The following NCKAP5 variants were observed in gnomAD, a reference collection of about 807,000 sequenced individuals.
The protein encoded by NCKAP5 is nck-associated protein 5.
Under a neutral mutation model 167.0 loss-of-function variants are expected in NCKAP5, and 92 were observed. The ratio of observed to expected loss-of-function variants is 0.55; its 90% CI spans 0.47 to 0.66. The LOEUF (loss-of-function observed/expected upper bound fraction) is 0.66, where lower values mean the gene tolerates loss of function less well. NCKAP5 is among the 30% of genes least tolerant of loss of function. The probability of loss-of-function intolerance (pLI) is 0.00; values close to 1 mark genes in which losing one functional copy is unlikely to be tolerated. For synonymous variants in NCKAP5, 891 were observed against 877.4 expected, an observed-to-expected ratio of 1.02 and a Z score of -0.27; for missense variants, 2,378 against 2,315.0, an observed-to-expected ratio of 1.03 and a Z score of -0.56.
chr2:133,619,444 G>C, the NCKAP5 span, among the ~76,000 whole-genome samples: 1 of 151,870 alleles, frequency 6.6e-6, no homozygotes, highest in African/African-American at 2.4e-5. Flanking sequence ...AATGCAAAAT[G>C]CACTGGAAAG....
At chr2:133,283,854 G>A (rs978683125) in intron 4 of NCKAP5, among the ~76,000 whole-genome samples, 5 of 151,908 alleles carry the variant, frequency 3.3e-5, no homozygotes, top group Non-Finnish European at 7.4e-5. Flanking sequence ...CAGGTGATCC[G>A]CCCGCCTCGG....
At chr2:133,605,013 T>C in the NCKAP5 span, among the ~76,000 whole-genome samples, 2 of 152,208 alleles carry the variant, frequency 1.3e-5, 1 homozygote, top group South Asian at 4.1e-4. Flanking sequence ...GGGAAAGATA[T>C]TTTCTTTCTC....
At chr2:133,134,824 T>G (rs1469436092) in intron 5 of NCKAP5, among the ~76,000 whole-genome samples, 2 of 152,210 alleles carry the variant, frequency 1.3e-5, no homozygotes, top group Non-Finnish European at 2.9e-5. Flanking sequence ...CTTAAATCAT[T>G]AAAGTATCAA....
chr2:133,099,822 C>A (rs1176710236), intron 6 of NCKAP5, among the ~76,000 whole-genome samples: 1 of 152,184 alleles, frequency 6.6e-6, no homozygotes, highest in Non-Finnish European at 1.5e-5. Context: ...CCAAGTATGG[C>A]CTGCAAGCCA....
intron 8 of NCKAP5, among the ~76,000 whole-genome samples, chr2:132,960,404 A>G (rs2076476954): frequency 6.6e-6 from 1 of 152,100 alleles, no homozygotes; most frequent in African/African-American, 2.4e-5. Flanking sequence ...AACTGAGGAG[A>G]AAGGCTACTG....
intron 7 of NCKAP5, among the ~76,000 whole-genome samples, chr2:132,972,467 T>G (rs1001866269): frequency 6.6e-6 from 1 of 152,188 alleles, no homozygotes; most frequent in Non-Finnish European, 1.5e-5. Context: ...GGCTCACACC[T>G]GTAATCCCAG....
chr2:133,452,149 A>G (rs1258612557), intron 3 of NCKAP5, among the ~76,000 whole-genome samples: 3 of 152,214 alleles, frequency 2.0e-5, no homozygotes, highest in Non-Finnish European at 4.4e-5. Context: ...AAAAATAATA[A>G]TGCTTGGCCC....
intron 16 of NCKAP5, among the ~76,000 whole-genome samples, chr2:132,751,085 C>T (rs899281189): frequency 2.6e-5 from 4 of 151,890 alleles, no homozygotes; most frequent in East Asian, 1.9e-4. Flanking sequence ...GTTATAGTCT[C>T]ATGTTGAAAT....
chr2:133,188,372 C>A (rs2085048029), intron 5 of NCKAP5, among the ~76,000 whole-genome samples: 1 of 152,006 alleles, frequency 6.6e-6, no homozygotes, highest in Admixed American at 6.6e-5. Flanking sequence ...TTAGACAGAT[C>A]AACGAGACAG....
At chr2:133,358,584 A>C (rs1684893333) in intron 3 of NCKAP5, among the ~76,000 whole-genome samples, 1 of 152,154 alleles carries the variant, frequency 6.6e-6, no homozygotes, top group South Asian at 2.1e-4. Flanking sequence ...CTCTTGAAAA[A>C]ATGTGTTGAA....
intron 4 of NCKAP5, among the ~76,000 whole-genome samples, chr2:133,286,141 G>A (rs1012366557): frequency 4.0e-5 from 6 of 151,822 alleles, no homozygotes; most frequent in Middle Eastern, 3.2e-3. Flanking sequence ...GATTACAGGC[G>A]CCCACTACCA....
chr2:132,884,617 G>A (rs1032308748), intron 8 of NCKAP5, among the ~76,000 whole-genome samples: 3 of 152,160 alleles, frequency 2.0e-5, no homozygotes, highest in Non-Finnish European at 4.4e-5. Context: ...GAATCACGGA[G>A]GAAAATGCTA....
chr2:133,387,472 C>G (rs1478853244), intron 3 of NCKAP5, among the ~76,000 whole-genome samples: 1 of 152,182 alleles, frequency 6.6e-6, no homozygotes, highest in Non-Finnish European at 1.5e-5. Context: ...TCTGGCTGCC[C>G]TTAACATTTT....
chr2:133,470,837 C>T (rs1448441087), intron 3 of NCKAP5, among the ~76,000 whole-genome samples: 1 of 152,268 alleles, frequency 6.6e-6, no homozygotes, highest in African/African-American at 2.4e-5. Context: ...CCTTGCGCTT[C>T]CCAAGTGAGG....
chr2:133,142,695 G>T (rs2083045581), intron 5 of NCKAP5, among the ~76,000 whole-genome samples: 1 of 152,134 alleles, frequency 6.6e-6, no homozygotes, highest in Non-Finnish European at 1.5e-5. Flanking sequence ...TGCAGACCTG[G>T]AAGGGTGCTT....
At chr2:133,200,721 G>C (rs1488803529) in intron 5 of NCKAP5, among the ~76,000 whole-genome samples, 3 of 152,134 alleles carry the variant, frequency 2.0e-5, no homozygotes, top group Non-Finnish European at 2.9e-5. Flanking sequence ...TCTCGTAACA[G>C]ACTGATACGT....
chr2:133,012,777 G>T (rs964861509), intron 6 of NCKAP5, among the ~76,000 whole-genome samples: 1 of 151,952 alleles, frequency 6.6e-6, no homozygotes, highest in Non-Finnish European at 1.5e-5. Context: ...TGCCCTATCT[G>T]CTCATTCTGT....
the NCKAP5 span, among the ~76,000 whole-genome samples, chr2:133,661,303 T>C: frequency 6.6e-6 from 1 of 152,144 alleles, no homozygotes; most frequent in Admixed American, 6.5e-5. Flanking sequence ...GGAAAACTCT[T>C]AGACACAATA....
intron 8 of NCKAP5, among the ~76,000 whole-genome samples, chr2:132,902,574 C>T (rs1377058516): frequency 1.3e-5 from 2 of 152,228 alleles, no homozygotes; most frequent in African/African-American, 4.8e-5. Flanking sequence ...TTCAAATGTA[C>T]TTAGCAAATT....
Sources: gnomAD v4.1 joint callset for allele counts (sites outside exome capture counted in the v4.1 genomes callset) on GRCh38, gnomAD v4.1.1 for gene constraint, MANE v1.5 for transcripts, NCBI Gene and HGNC (gene_info 2026-07-23, HGNC 2026-07-21) for gene names.